Variants in NIPBL observed in about 807,000 individuals in gnomAD.
The protein encoded by NIPBL is NIPBL cohesin loading factor, also known as nipped-B-like protein.
A neutral mutation model predicts 321.8 loss-of-function variants in NIPBL; 19 were observed. The observed-to-expected ratio is 0.06, with a 90% CI of 0.04 to 0.09. The LOEUF (loss-of-function observed/expected upper bound fraction) is 0.09. NIPBL is among the 10% of genes least tolerant of loss of function. The probability of loss-of-function intolerance (pLI) is 1.00; values close to 1 mark genes in which losing one functional copy is unlikely to be tolerated. For missense variants in NIPBL, 2,210 were observed against 3,327.0 expected, an observed-to-expected ratio of 0.66 and a Z score of 8.26; for synonymous variants, 1,106 against 1,114.1, an observed-to-expected ratio of 0.99 and a Z score of 0.14.
chr5:36,975,679 C>A, intron 8 of NIPBL, 97 bp from the exon 9 acceptor site: 1 of 1,126,048 alleles, frequency 8.9e-7, no homozygotes, highest in Non-Finnish European at 1.3e-6. Context: ...TTATTTTTTT[C>A]TAGTATTACT....
At chr5:37,024,778 A>C (rs1580507636) in intron 30 of NIPBL, 59 bp downstream of exon 30, 1 of 1,327,922 alleles carries the variant, frequency 7.5e-7, no homozygotes, top group East Asian at 2.5e-5. Context: ...TTAAATGTTT[A>C]TTGCACCTAA....
intron 24 of NIPBL, among the ~76,000 whole-genome samples, chr5:37,018,807 T>A (rs572731405): frequency 4.9e-4 from 74 of 152,266 alleles, no homozygotes; most frequent in Non-Finnish European, 9.1e-4. Context: ...GCTCTTTTTT[T>A]AAAAAATGAC....
intron 4 of NIPBL, among the ~76,000 whole-genome samples, chr5:36,959,478 C>CTT: frequency 6.6e-6 from 1 of 151,814 alleles, no homozygotes; most frequent in Non-Finnish European, 1.5e-5. Context: ...TCTGACTTCA[C>CTT]CAGAACTAAT....
chr5:37,002,665 A>T lies in NIPBL; in HGVS notation c.3668A>T (p.Asp1223Val), dbSNP rs775247210. The T allele has an allele frequency of 6.3e-7, 1 of 1,595,978 alleles. No homozygotes were observed. Among genetic ancestry groups the T allele is most frequent in the Admixed American group, 1.7e-5 (1 of 59,850 alleles). Reference sequence around the variant, plus strand: ...TTTGTTTGGCTTGATTTTGCAGGTGATGATGATGAAATTCCTCAGGAACTG... The same window carrying T: ...TTTGTTTGGCTTGATTTTGCAGGTGTTGATGATGAAATTCCTCAGGAACTG... ...LEDMDFTAFG[D>V]DDEIPQELLL... Residue 1223 changes from aspartate to valine, a missense_variant, in exon 15 of 47, where the codon GAT becomes GTT. Physicochemically the swap from Asp to Val is radical, Grantham distance 152. This residue lies in a region of NIPBL where 381 missense variants were observed against 642.3 expected (regional missense o/e 0.59). Coordinates refer to ENST00000282516, the MANE Select transcript of NIPBL (RefSeq NM_133433.4).
chr5:36,927,753 G>A (rs1239805545), intron 1 of NIPBL, among the ~76,000 whole-genome samples: 1 of 152,178 alleles, frequency 6.6e-6, no homozygotes, highest in Non-Finnish European at 1.5e-5. Context: ...TATCAAATAG[G>A]CAGTTGGATA....
chr5:36,929,188 T>C (rs1007689759), intron 1 of NIPBL, among the ~76,000 whole-genome samples: 2 of 152,170 alleles, frequency 1.3e-5, no homozygotes, highest in African/African-American at 2.4e-5. Flanking sequence ...TATAACATTA[T>C]GACAGTTTAA....
chr5:36,908,226 G>A (rs1747787920), intron 1 of NIPBL, among the ~76,000 whole-genome samples: 1 of 152,148 alleles, frequency 6.6e-6, no homozygotes, highest in Non-Finnish European at 1.5e-5. Context: ...TGAGGATAAA[G>A]AGATGAGATT....
intron 1 of NIPBL, chr5:36,885,797 C>A (rs1745853033): frequency 3.2e-6 from 2 of 634,916 alleles, no homozygotes; most frequent in Non-Finnish European, 5.9e-6. Context: ...TTGGCTGTAG[C>A]TAGAGACAGA....
intron 11 of NIPBL, among the ~76,000 whole-genome samples, chr5:36,998,260 A>G (rs930660921): frequency 3.3e-5 from 5 of 152,100 alleles, no homozygotes; most frequent in Non-Finnish European, 5.9e-5. Flanking sequence ...CCTCATTATA[A>G]CACAATGTGT....
intron 38 of NIPBL, among the ~76,000 whole-genome samples, chr5:37,047,033 C>A (rs2149735033): frequency 6.6e-6 from 1 of 152,138 alleles, no homozygotes; most frequent in East Asian, 1.9e-4. Flanking sequence ...TTATTATTCT[C>A]TAAACAATAC....
intron 1 of NIPBL, among the ~76,000 whole-genome samples, chr5:36,928,381 G>A (rs530100837): frequency 1.3e-5 from 2 of 152,220 alleles, no homozygotes; most frequent in East Asian, 3.9e-4. Flanking sequence ...CCAAATCACA[G>A]TGTTTGTTTT....
rs538712549 is a variant in NIPBL, at chr5:36,892,380, C to T, written c.-80+15202C>T. Among the ~76,000 whole-genome samples the T allele has an allele frequency of 6.0e-4, 92 of 152,222 alleles. No individual in the cohort carries two copies. The East Asian group carries it at 9.1e-3, about 15-fold the overall frequency. On this transcript the variant is annotated intron_variant, in intron 1 of 46. Coordinates refer to ENST00000282516, the MANE Select transcript of NIPBL (RefSeq NM_133433.4). Reference sequence around the variant, plus strand: ...TCAACCATTGTGGAAGTCAGTGTGGCGATTCCTCAGGGATCTAGAACTAGA... The same window carrying T: ...TCAACCATTGTGGAAGTCAGTGTGGTGATTCCTCAGGGATCTAGAACTAGA...
intron 33 of NIPBL, among the ~76,000 whole-genome samples, chr5:37,038,304 A>G (rs2149720955): frequency 6.6e-6 from 1 of 152,218 alleles, no homozygotes; most frequent in East Asian, 1.9e-4. Context: ...GATTTTAGAT[A>G]AAACCAATAC....
At chr5:37,045,647 C>G in intron 37 of NIPBL, 50 bp downstream of exon 37, 2 of 1,563,616 alleles carry the variant, frequency 1.3e-6, no homozygotes, top group South Asian at 2.2e-5. Context: ...CTATATGGCA[C>G]TGTGATCTGA....
At position 37,007,514 on chromosome 5, in the gene NIPBL, A is replaced by G. The variant is rs80358379; in HGVS notation, c.4239+40A>G. On this transcript the variant is annotated intron_variant, in intron 18 of 46. Transcript: ENST00000282516. The stretch of plus-strand genomic sequence containing the variant: ...TAAGCATTTTGTATATTTCTAAACT[A>G]AATGATTAAGTCTAGTATAACCTAG... 1.5e-3 allele frequency: 2,252 copies of G among 1,470,172 alleles called. 26 individuals carry two copies. In the African/African-American group the frequency reaches 0.028, roughly 18 times the overall value. The allele number at this position is 1,470,172 out of a possible 1,614,324, so 91.1% of individuals were successfully genotyped here.
intron 8 of NIPBL, among the ~76,000 whole-genome samples, chr5:36,973,657 G>C (rs1024903169): frequency 6.6e-6 from 1 of 152,022 alleles, no homozygotes; most frequent in African/African-American, 2.4e-5. Context: ...TTTTAGTAGA[G>C]ACAGGGTTTC....
At chr5:36,896,697 T>C (rs1035558180) in intron 1 of NIPBL, among the ~76,000 whole-genome samples, 3 of 152,182 alleles carry the variant, frequency 2.0e-5, no homozygotes, top group Non-Finnish European at 2.9e-5. Flanking sequence ...CCTCCCTGGT[T>C]CAAGTGATTA....
At chr5:37,056,970 C>T (rs1375878304) in intron 42 of NIPBL, among the ~76,000 whole-genome samples, 1 of 151,518 alleles carries the variant, frequency 6.6e-6, no homozygotes, top group Non-Finnish European at 1.5e-5. Flanking sequence ...TTTGTTACAC[C>T]TGTCTCCCTT....
intron 4 of NIPBL, among the ~76,000 whole-genome samples, chr5:36,960,012 G>T (rs572733978): frequency 2.0e-5 from 3 of 152,008 alleles, no homozygotes; most frequent in Non-Finnish European, 4.4e-5. Flanking sequence ...TAGGAGGATT[G>T]CTTGAGCCCA....
Sources: allele counts gnomAD v4.1 joint callset (sites outside exome capture counted in the v4.1 genomes callset), GRCh38; gene constraint gnomAD v4.1.1; regional missense constraint gnomAD v4.1.1; transcripts MANE v1.5; gene names NCBI Gene and HGNC (gene_info 2026-07-23, HGNC 2026-07-21).